HTR2C: variants seen among roughly 807,000 people sequenced by gnomAD.
HTR2C encodes the protein 5-hydroxytryptamine receptor 2C, also known as 5-hydroxytryptamine (serotonin) receptor 2C, G protein-coupled.
A neutral mutation model predicts 21.0 loss-of-function variants in HTR2C; 5 were observed. The ratio of observed to expected loss-of-function variants is 0.24; its 90% confidence interval spans 0.12 to 0.50. HTR2C has a LOEUF of 0.50. HTR2C is among the 20% of genes least tolerant of loss of function. The probability of loss-of-function intolerance (pLI) is 0.98; values close to 1 mark genes in which losing one functional copy is unlikely to be tolerated. For synonymous variants in HTR2C, 150 were observed against 145.3 expected (o/e 1.03, Z -0.23); for missense variants, 271 against 371.2 (o/e 0.73, Z 2.22).
At chrX:114,623,350 A>G (rs1300489798) in intron 2 of HTR2C, among the ~76,000 whole-genome samples, 2 of 112,162 alleles carry the variant, frequency 1.8e-5, no homozygotes, top group East Asian at 2.8e-4. Context: ...TGTCATTATT[A>G]TAACTGACGT....
intron 4 of HTR2C, among the ~76,000 whole-genome samples, chrX:114,753,480 A>G (rs1256355578): frequency 9.0e-6 from 1 of 111,731 alleles, no homozygotes; most frequent in Non-Finnish European, 1.9e-5. Flanking sequence ...CATATATATT[A>G]GAAAGAAAGA....
intron 4 of HTR2C, among the ~76,000 whole-genome samples, chrX:114,821,839 G>A (rs1190135619): frequency 9.2e-6 from 1 of 109,226 alleles, no homozygotes; most frequent in African/African-American, 3.3e-5. Context: ...AATCCTGCTA[G>A]TGTCATCAAG....
At chrX:114,693,053 C>A (rs1377352689) in intron 2 of HTR2C, among the ~76,000 whole-genome samples, 1 of 111,560 alleles carries the variant, frequency 9.0e-6, no homozygotes, top group Non-Finnish European at 1.9e-5. Context: ...TAGATAGCAA[C>A]CAGTTTTTTT....
intron 4 of HTR2C, among the ~76,000 whole-genome samples, chrX:114,733,684 A>T (rs1452242413): frequency 9.2e-6 from 1 of 108,834 alleles, no homozygotes; most frequent in East Asian, 2.9e-4. Flanking sequence ...AAATATTAGG[A>T]CCCATCACCC....
intron 2 of HTR2C, among the ~76,000 whole-genome samples, chrX:114,672,079 A>G (rs1450836358): frequency 1.2e-4 from 14 of 112,114 alleles, no homozygotes; most frequent in African/African-American, 4.2e-4. Context: ...ACAAGCAAAT[A>G]AATATAAACA....
chrX:114,863,864 C>A (rs1372581226), intron 5 of HTR2C, among the ~76,000 whole-genome samples: 4 of 111,485 alleles, frequency 3.6e-5, no homozygotes, highest in African/African-American at 1.3e-4. Flanking sequence ...TCCTGATGAA[C>A]TGGCTCTTTT....
At chrX:114,724,841 G>A (rs868906755) in intron 2 of HTR2C, among the ~76,000 whole-genome samples, 18 of 102,011 alleles carry the variant, frequency 1.8e-4, no homozygotes, top group African/African-American at 5.6e-4. Flanking sequence ...TTGAATATTG[G>A]TCCCCATTCT....
intron 1 of HTR2C, among the ~76,000 whole-genome samples, chrX:114,586,771 G>A (rs1242136506): frequency 4.5e-5 from 5 of 110,545 alleles, no homozygotes; most frequent in African/African-American, 1.6e-4. Flanking sequence ...GATGCCAGAC[G>A]TGGATCCAGG....
At chrX:114,750,631 G>T (rs1556427790) in intron 4 of HTR2C, among the ~76,000 whole-genome samples, 1 of 111,795 alleles carries the variant, frequency 8.9e-6, no homozygotes, top group Non-Finnish European at 1.9e-5. Context: ...AGATTCTGTT[G>T]TCATCTGTAG....
intron 2 of HTR2C, among the ~76,000 whole-genome samples, chrX:114,631,131 C>T (rs1243344115): frequency 1.8e-5 from 2 of 110,936 alleles, no homozygotes; most frequent in Non-Finnish European, 3.8e-5. Context: ...TGGCGAAACC[C>T]GTCTCTACTA....
At chrX:114,636,483 A>G (rs1556405258) in intron 2 of HTR2C, among the ~76,000 whole-genome samples, 1 of 112,341 alleles carries the variant, frequency 8.9e-6, no homozygotes, top group Admixed American at 9.5e-5. Flanking sequence ...TCAAATATTC[A>G]TTCTGTACTT....
chrX:114,717,363 G>A (rs1933023283), intron 2 of HTR2C, among the ~76,000 whole-genome samples: 1 of 112,329 alleles, frequency 8.9e-6, no homozygotes, highest in African/African-American at 3.2e-5. Flanking sequence ...GTGAGCCATC[G>A]CACATGGTCT....
intron 4 of HTR2C, among the ~76,000 whole-genome samples, chrX:114,784,803 T>G (rs2070158436): frequency 9.1e-6 from 1 of 109,943 alleles, no homozygotes; most frequent in African/African-American, 3.3e-5. Flanking sequence ...GTATTTTTAG[T>G]AGAGACGGGG....
rs781830642 is a variant in HTR2C at position 114,649,654 on chromosome X, C to A, written c.-80+35773C>A. On this transcript the variant is annotated intron_variant, in intron 2 of 5. Coordinates refer to ENST00000276198, the MANE Select transcript of HTR2C (RefSeq NM_000868.4). The stretch of plus-strand genomic sequence containing the variant: ...ATTTTTTGATGGAGTCTTGCTCTGT[C>A]GCCCAGGCTGGAGTGAAGTGGCGTG... 6.3e-5 allele frequency among the ~76,000 whole-genome samples: 7 copies of A among 111,087 alleles called. No individual in the cohort carries two copies. The South Asian group carries it at 2.6e-3, about 42-fold the overall frequency.
intron 4 of HTR2C, among the ~76,000 whole-genome samples, chrX:114,836,404 G>C (rs1008437457): frequency 1.8e-5 from 2 of 112,694 alleles, no homozygotes; most frequent in African/African-American, 6.4e-5. Context: ...GATATAATCT[G>C]GTGGTGCGCC....
chrX:114,626,395 A>G lies in HTR2C; in HGVS notation c.-80+12514A>G, dbSNP rs1314076407. 4.2e-3 allele frequency among the ~76,000 whole-genome samples: 12 copies of G among 2,857 alleles called. No individual in the cohort carries two copies. In the East Asian group the frequency reaches 0.52, roughly 125 times the overall value. 2.5% of individuals were successfully genotyped at this position (2,857 alleles called of 115,157 possible). On this transcript the variant is annotated intron_variant, in intron 2 of 5. Coordinates refer to ENST00000276198, the MANE Select transcript of HTR2C (RefSeq NM_000868.4). Reference sequence around the variant, plus strand: ...CAGAAGGAGACCCTGTCACAAAAAAAAAAAAAGAAAAAAAGAAAGAAATAT... The same window carrying G: ...CAGAAGGAGACCCTGTCACAAAAAAGAAAAAAGAAAAAAAGAAAGAAATAT...
intron 5 of HTR2C, among the ~76,000 whole-genome samples, chrX:114,851,668 A>G (rs1156939642): frequency 9.0e-6 from 1 of 111,321 alleles, no homozygotes; most frequent in Non-Finnish European, 1.9e-5. Flanking sequence ...GCCCTTAATT[A>G]TTTTGATGCT....
At chrX:114,614,316 A>G (rs1398063320) in intron 2 of HTR2C, among the ~76,000 whole-genome samples, 4 of 109,298 alleles carry the variant, frequency 3.7e-5, no homozygotes, top group Non-Finnish European at 5.7e-5. Context: ...GCTGGAGTGC[A>G]GTGGTGCAAT....
At position 114,906,904 on chromosome X, in the gene HTR2C, G is replaced by A. The variant is rs782066714; in HGVS notation, c.866G>A (p.Arg289Lys). ...NPNQDQNARRRKKKERRPRGT... is the reference protein window; with the variant it reads ...NPNQDQNARRKKKKERRPRGT... ...AACCAAGACCAGAACGCACGCCGAA[G>A]AAAGAAGAAGGAGAGACGTCCTAGG... is the stretch of plus-strand genomic sequence containing the variant. Residue 289 changes from arginine (R) to lysine (K), a missense_variant, in exon 6 of 6, where the codon AGA (arginine) becomes AAA (lysine). Arg to Lys is a conservative substitution (Grantham distance 26). This residue lies in a region of HTR2C where 192 missense variants were observed against 247.2 expected (regional missense o/e 0.78). Coordinates refer to ENST00000276198, the MANE Select transcript of HTR2C (RefSeq NM_000868.4). The A allele has an allele frequency of 8.3e-7, 1 of 1,211,136 alleles. No individual in the cohort carries two copies. Among genetic ancestry groups the A allele is most frequent in the East Asian group, 3.0e-5 (1 of 33,807 alleles).
Sources: gnomAD v4.1 joint callset for allele counts (sites outside exome capture counted in the v4.1 genomes callset) on GRCh38, gnomAD v4.1.1 for gene constraint, gnomAD v4.1.1 regional missense constraint, MANE v1.5 for transcripts, NCBI Gene and HGNC (gene_info 2026-07-23, HGNC 2026-07-21) for gene names.